Variants in DLGAP2 observed in about 807,000 individuals in gnomAD.
The protein encoded by DLGAP2 is DLG associated protein 2, also known as disks large-associated protein 2.
A neutral mutation model predicts 100.3 loss-of-function variants in DLGAP2; 26 were observed. The observed-to-expected ratio is 0.26, with a 90% CI of 0.19 to 0.36. DLGAP2 has a LOEUF of 0.36. Ranked by LOEUF, DLGAP2 falls within the 10% of genes least tolerant of loss-of-function variation. The probability of loss-of-function intolerance (pLI) is 1.00; values close to 1 mark genes in which losing one functional copy is unlikely to be tolerated. For missense variants in DLGAP2, 1,858 were observed against 1,453.2 expected, an observed-to-expected ratio of 1.28 and a Z score of -4.53; for synonymous variants, 886 against 630.1, an observed-to-expected ratio of 1.41 and a Z score of -6.08.
At chr8:1,047,625 G>A (rs924243082) in intron 2 of DLGAP2, among the ~76,000 whole-genome samples, 4 of 152,102 alleles carry the variant, frequency 2.6e-5, no homozygotes, top group African/African-American at 9.7e-5. Context: ...GGCAGGGTCA[G>A]TGTCCAGCGA....
chr8:1,192,962 G>A (rs923381167), intron 2 of DLGAP2, among the ~76,000 whole-genome samples: 1 of 151,952 alleles, frequency 6.6e-6, no homozygotes, highest in Admixed American at 6.6e-5. Flanking sequence ...TGAGAATGAT[G>A]GTTTCCAGCT....
chr8:907,766 CG>C, intron 1 of DLGAP2, 145 bp from the exon 2 acceptor site: 1 of 390,384 alleles, frequency 2.6e-6, no homozygotes, highest in Non-Finnish European at 4.5e-6. Context: ...TTTTCTGTAC[CG>C]TTTAATTTGT....
intron 3 of DLGAP2, among the ~76,000 whole-genome samples, chr8:1,338,105 C>T (rs1801331173): frequency 6.6e-6 from 1 of 152,200 alleles, no homozygotes; most frequent in Non-Finnish European, 1.5e-5. Flanking sequence ...AATGGTGCAG[C>T]CATGTGGTTT....
At chr8:1,694,908 A>C (rs1446034751) in intron 13 of DLGAP2, among the ~76,000 whole-genome samples, 1 of 152,226 alleles carries the variant, frequency 6.6e-6, no homozygotes, top group South Asian at 2.1e-4. Flanking sequence ...CAGTGGATTC[A>C]GATGCAACCA....
At chr8:776,029 C>G (rs1230462217) in intron 1 of DLGAP2, among the ~76,000 whole-genome samples, 2 of 152,032 alleles carry the variant, frequency 1.3e-5, no homozygotes, top group Admixed American at 6.6e-5. Flanking sequence ...AATTTCAGAT[C>G]CTGTTATTGG....
At chr8:743,220 G>A (rs1267921914) in intron 1 of DLGAP2, among the ~76,000 whole-genome samples, 1 of 152,218 alleles carries the variant, frequency 6.6e-6, no homozygotes, top group East Asian at 1.9e-4. Context: ...TAACCATGAG[G>A]ATGGATGTAA....
intron 3 of DLGAP2, among the ~76,000 whole-genome samples, chr8:1,477,868 C>T (rs889665557): frequency 4.0e-5 from 6 of 151,822 alleles, no homozygotes; most frequent in East Asian, 3.9e-4. Flanking sequence ...TTCCAGATGC[C>T]GGTGTCGGGA....
At chr8:1,510,563 G>T (rs117728197) in intron 4 of DLGAP2, among the ~76,000 whole-genome samples, 1 of 152,208 alleles carries the variant, frequency 6.6e-6, no homozygotes, top group Non-Finnish European at 1.5e-5. Context: ...GTCACTCTGC[G>T]TGGGCTCCCT....
At chr8:1,155,780 C>G (rs1303521803) in intron 2 of DLGAP2, among the ~76,000 whole-genome samples, 2 of 152,168 alleles carry the variant, frequency 1.3e-5, no homozygotes, top group Non-Finnish European at 2.9e-5. Context: ...TGGGACGCCC[C>G]GGTTCGGGGG....
chr8:783,859 C>T (rs969170767), intron 1 of DLGAP2, among the ~76,000 whole-genome samples: 5 of 152,194 alleles, frequency 3.3e-5, no homozygotes, highest in Non-Finnish European at 5.9e-5. Context: ...AATCAATGGG[C>T]GAAACTTATT....
intron 2 of DLGAP2, among the ~76,000 whole-genome samples, chr8:1,199,837 C>A (rs7843841): frequency 6.6e-6 from 1 of 151,702 alleles, no homozygotes; most frequent in African/African-American, 2.4e-5. Flanking sequence ...AAAAAAATAA[C>A]TCTTAGAAAC....
chr8:1,683,710 G>C (rs1157961837), intron 12 of DLGAP2, among the ~76,000 whole-genome samples: 1 of 148,542 alleles, frequency 6.7e-6, no homozygotes, highest in Non-Finnish European at 1.5e-5. Context: ...TATAAAAGCA[G>C]AACATCTAGA....
intron 3 of DLGAP2, among the ~76,000 whole-genome samples, chr8:1,366,595 A>T (rs1264692823): frequency 6.6e-6 from 1 of 152,168 alleles, no homozygotes; most frequent in African/African-American, 2.4e-5. Flanking sequence ...CCGGCAGAGC[A>T]GTGTACAGGG....
intron 3 of DLGAP2, among the ~76,000 whole-genome samples, chr8:1,272,501 A>G (rs932330900): frequency 7.2e-5 from 11 of 152,104 alleles, no homozygotes; most frequent in Admixed American, 4.6e-4. Context: ...AACGTTTTAT[A>G]TAGAATATAT....
chr8:1,106,554 G>T (rs1213662944), intron 2 of DLGAP2, among the ~76,000 whole-genome samples: 1 of 150,234 alleles, frequency 6.7e-6, no homozygotes, highest in Non-Finnish European at 1.5e-5. Flanking sequence ...CATTCTAGGA[G>T]GGTTTTCTAC....
chr8:1,441,957 C>T (rs1279909168), intron 3 of DLGAP2, among the ~76,000 whole-genome samples: 1 of 152,110 alleles, frequency 6.6e-6, no homozygotes, highest in Non-Finnish European at 1.5e-5. Context: ...ATGTATTTTG[C>T]AGGGACAGGG....
chr8:1,159,764 C>G (rs908151874), intron 2 of DLGAP2, among the ~76,000 whole-genome samples: 3 of 152,140 alleles, frequency 2.0e-5, no homozygotes, highest in African/African-American at 7.2e-5. Context: ...TTGAAAAATA[C>G]TAGTGAAGTA....
chr8:1,312,846 G>C (rs1435654255), intron 3 of DLGAP2, among the ~76,000 whole-genome samples: 1 of 152,226 alleles, frequency 6.6e-6, no homozygotes, highest in East Asian at 1.9e-4. Flanking sequence ...AAATGAACGC[G>C]AGTGTCCATC....
At chr8:920,296 A>G (rs1053473517) in intron 2 of DLGAP2, among the ~76,000 whole-genome samples, 8 of 152,234 alleles carry the variant, frequency 5.3e-5, no homozygotes, top group Non-Finnish European at 1.0e-4. Flanking sequence ...GGTGTGTGGT[A>G]TAAACCATAT....
Sources: allele counts gnomAD v4.1 joint callset (sites outside exome capture counted in the v4.1 genomes callset), GRCh38; gene constraint gnomAD v4.1.1; transcripts MANE v1.5; gene names NCBI Gene and HGNC (gene_info 2026-07-23, HGNC 2026-07-21).